Variants in BCO1 observed in about 807,000 individuals in gnomAD.
The protein encoded by BCO1 is beta,beta-carotene 15,15'-dioxygenase.
BCO1 carries 54 observed loss-of-function variants against 56.3 expected under a neutral mutation model. The ratio of observed to expected loss-of-function variants is 0.96; its 90% CI spans 0.77 to 1.20. The LOEUF is 1.20. BCO1 is among the 50% of genes most tolerant of loss of function. The probability of loss-of-function intolerance (pLI) is 0.00; values close to 1 mark genes in which losing one functional copy is unlikely to be tolerated. For missense variants in BCO1, 801 were observed against 690.9 expected (o/e 1.16, Z -1.79); for synonymous variants, 318 against 266.1 (o/e 1.20, Z -1.90).
At chr16:81,267,345 G>A (rs1906890375) in intron 5 of BCO1, among the ~76,000 whole-genome samples, 1 of 152,156 alleles carries the variant, frequency 6.6e-6, no homozygotes, top group Admixed American at 6.5e-5. Context: ...GGGCGCAGTG[G>A]CTCACACCTG....
In BCO1 at chr16:81,262,038, G is replaced by T. The variant is rs1906517431; in HGVS notation, c.324-98G>T. The stretch of plus-strand genomic sequence containing the variant: ...ATTACAGGCACCCGGCCGAAGTAAA[G>T]CATTTTTAAGTGGTAGGAAAACTAA... On this transcript the variant is annotated intron_variant, in intron 3 of 10. Transcript: ENST00000258168. 4 of 1,456,992 alleles carry T rather than the reference G, an allele frequency of 2.7e-6. No individual in the cohort carries two copies. The Admixed American group carries it at 5.0e-5, about 18-fold the overall frequency. The allele number at this position is 1,456,992 out of a possible 1,614,324, so 90.3% of individuals were successfully genotyped here. A position where few individuals can be genotyped will look rare whatever the true frequency, so the allele number is the denominator to read the frequency against.
intron 5 of BCO1, 51 bp from the exon 6 acceptor site, chr16:81,267,857 G>A: frequency 6.5e-7 from 1 of 1,541,540 alleles, no homozygotes; most frequent in Non-Finnish European, 8.9e-7. Flanking sequence ...TGGTCTTGGG[G>A]GGGCAGCCAG....
At chr16:81,269,985 C>T (rs1214460242) in intron 6 of BCO1, among the ~76,000 whole-genome samples, 174 bp from the exon 7 acceptor site, 8 of 152,312 alleles carry the variant, frequency 5.3e-5, no homozygotes, top group Non-Finnish European at 1.0e-4. Flanking sequence ...AAACAGCTCT[C>T]ATTTTGGGGG....
chr16:81,239,705 T>A (rs1905029295), intron 1 of BCO1, among the ~76,000 whole-genome samples: 1 of 152,200 alleles, frequency 6.6e-6, no homozygotes, highest in Non-Finnish European at 1.5e-5. Flanking sequence ...CTGATGTGAT[T>A]TTCTCTCAGG....
At chr16:81,275,441 G>A (rs370796003) in intron 7 of BCO1, among the ~76,000 whole-genome samples, 1 of 152,248 alleles carries the variant, frequency 6.6e-6, no homozygotes, top group Non-Finnish European at 1.5e-5. Flanking sequence ...GGGATCAGCA[G>A]CATGACCCCG....
At chr16:81,271,646 G>A (rs1907226223) in intron 7 of BCO1, among the ~76,000 whole-genome samples, 1 of 152,108 alleles carries the variant, frequency 6.6e-6, no homozygotes, top group African/African-American at 2.4e-5. Context: ...TACAATACGT[G>A]ATCTTTTGTG....
intron 1 of BCO1, among the ~76,000 whole-genome samples, chr16:81,244,568 G>C (rs1905284706): frequency 1.3e-5 from 2 of 151,888 alleles, no homozygotes; most frequent in African/African-American, 4.8e-5. Context: ...CTTTCCTTTT[G>C]CCTTTGTGAG....
intron 8 of BCO1, among the ~76,000 whole-genome samples, chr16:81,282,477 T>G (rs1187743561): frequency 6.6e-6 from 1 of 152,150 alleles, no homozygotes; most frequent in Non-Finnish European, 1.5e-5. Context: ...GAAGAGCACA[T>G]AGACTTGGGG....
chr16:81,248,247 C>CA (rs1286824991), intron 2 of BCO1, among the ~76,000 whole-genome samples: 1 of 151,464 alleles, frequency 6.6e-6, no homozygotes, highest in Non-Finnish European at 1.5e-5. Flanking sequence ...ACTAAAAATA[C>CA]AAAAAATTAG....
intron 8 of BCO1, among the ~76,000 whole-genome samples, chr16:81,284,529 G>A (rs1028311099): frequency 6.6e-6 from 1 of 151,882 alleles, no homozygotes; most frequent in Non-Finnish European, 1.5e-5. Flanking sequence ...ATGGACACTT[G>A]CCCATGTTAT....
At chr16:81,272,087 T>C (rs1190815175) in intron 7 of BCO1, among the ~76,000 whole-genome samples, 1 of 149,014 alleles carries the variant, frequency 6.7e-6, no homozygotes, top group Admixed American at 6.7e-5. Flanking sequence ...GTACATACTA[T>C]CTTACAGACT....
rs762358911 is a variant in BCO1, at chr16:81,268,079, A to C, written c.791A>C (p.Tyr264Ser). 2 of 1,612,688 alleles carry C rather than the reference A, an allele frequency of 1.2e-6. No individual in the cohort carries two copies. Among genetic ancestry groups the C allele is most frequent in the South Asian group, 1.1e-5 (1 of 91,076 alleles). ...GATATTCTCAAGATGGCAACCGCAT[A>C]CATCCGGAGAATGAGCTGGGCCTCC... ...RLDILKMATA[Y>S]IRRMSWASCL... Residue 264 changes from tyrosine (Y) to serine (S), a missense_variant, in exon 6 of 11, where the codon TAC becomes TCC. Physicochemically the swap from Tyr to Ser is moderately radical, Grantham distance 144. Coordinates refer to ENST00000258168, the MANE Select transcript of BCO1 (RefSeq NM_017429.3).
At chr16:81,267,175 G>A (rs1906880270) in intron 5 of BCO1, among the ~76,000 whole-genome samples, 1 of 152,162 alleles carries the variant, frequency 6.6e-6, no homozygotes, top group Non-Finnish European at 1.5e-5. Context: ...CCTGATAAAA[G>A]AGGAGGAAGG....
intron 2 of BCO1, among the ~76,000 whole-genome samples, chr16:81,255,725 T>A (rs1405692734): frequency 2.0e-5 from 3 of 152,108 alleles, no homozygotes; most frequent in African/African-American, 4.8e-5. Context: ...CAGGCTGGTC[T>A]CAAACTCCTG....
intron 7 of BCO1, among the ~76,000 whole-genome samples, chr16:81,272,773 G>C (rs933329636): frequency 6.6e-6 from 1 of 152,188 alleles, no homozygotes; most frequent in Non-Finnish European, 1.5e-5. Context: ...TTATGTGCCA[G>C]GTACTTTGCT....
intron 7 of BCO1, among the ~76,000 whole-genome samples, chr16:81,275,563 G>T (rs181426160): frequency 1.1e-3 from 164 of 152,340 alleles, no homozygotes; most frequent in Non-Finnish European, 1.3e-3. Flanking sequence ...GTTCTGGGAG[G>T]ACAGGGACTC....
intron 2 of BCO1, among the ~76,000 whole-genome samples, chr16:81,251,874 A>ATGTGTGTGTGTGTGTGTGTGTGTGTG (rs56069135): frequency 1.4e-5 from 2 of 146,694 alleles, no homozygotes; most frequent in African/African-American, 5.2e-5. Context: ...ACACACATAT[A>ATGTGTGTGTGTGTGTGTGTGTGTGTG]TGTGTGTGTG....
At chr16:81,277,432 T>C (rs1907623949) in intron 7 of BCO1, among the ~76,000 whole-genome samples, 1 of 152,244 alleles carries the variant, frequency 6.6e-6, no homozygotes, top group Non-Finnish European at 1.5e-5. Context: ...CCTGTCTGCC[T>C]GCACGATGTG....
chr16:81,258,804 G>T (rs944333089), intron 2 of BCO1, among the ~76,000 whole-genome samples: 2 of 152,194 alleles, frequency 1.3e-5, no homozygotes, highest in African/African-American at 4.8e-5. Flanking sequence ...AAGAAAAGAG[G>T]TTTATTTGGC....
Sources: allele counts gnomAD v4.1 joint callset (sites outside exome capture counted in the v4.1 genomes callset), GRCh38; gene constraint gnomAD v4.1.1; transcripts MANE v1.5; gene names NCBI Gene and HGNC (gene_info 2026-07-23, HGNC 2026-07-21).